The following IGF1R variants were observed in gnomAD, a reference collection of about 807,000 sequenced individuals.
IGF1R encodes insulin-like growth factor 1 receptor.
A neutral mutation model predicts 144.6 loss-of-function variants in IGF1R; 44 were observed. The ratio of observed to expected loss-of-function variants is 0.30; its 90% CI spans 0.24 to 0.39. The LOEUF is 0.39. IGF1R is among the 10% of genes least tolerant of loss of function. IGF1R has a pLI of 1.00. For missense variants in IGF1R, 1,355 were observed against 1,833.7 expected (o/e 0.74, Z 4.77); for synonymous variants, 795 against 722.8 (o/e 1.10, Z -1.60).
intron 6 of IGF1R, 42 bp from the exon 7 acceptor site, chr15:98,911,273 C>G (rs1174624378): frequency 1.2e-6 from 2 of 1,612,894 alleles, no homozygotes; most frequent in African/African-American, 2.7e-5. Context: ...TTTTCAGAGA[C>G]ACATGAATCT....
intron 1 of IGF1R, among the ~76,000 whole-genome samples, chr15:98,649,996 G>A (rs1391857891): frequency 1.3e-5 from 2 of 152,148 alleles, no homozygotes; most frequent in Non-Finnish European, 2.9e-5. Context: ...GCCGGGGCGG[G>A]CTCCGCGGTT....
chr15:98,756,132 T>G (rs1327632864), intron 2 of IGF1R, among the ~76,000 whole-genome samples: 1 of 152,166 alleles, frequency 6.6e-6, no homozygotes, highest in Non-Finnish European at 1.5e-5. Flanking sequence ...TTTAGTTTTT[T>G]TCCTTGTTTG....
chr15:98,857,419 A>C (rs543608136), intron 2 of IGF1R, among the ~76,000 whole-genome samples: 4 of 152,278 alleles, frequency 2.6e-5, no homozygotes, highest in Admixed American at 2.0e-4. Flanking sequence ...GGGTTTTGCC[A>C]TGTTGGCCGG....
At chr15:98,853,059 A>G (rs2011607459) in intron 2 of IGF1R, among the ~76,000 whole-genome samples, 1 of 152,228 alleles carries the variant, frequency 6.6e-6, no homozygotes, top group South Asian at 2.1e-4. Flanking sequence ...AGCAGAAACA[A>G]GGTGCATCTC....
At chr15:98,853,523 A>G (rs568771025) in intron 2 of IGF1R, among the ~76,000 whole-genome samples, 7 of 152,368 alleles carry the variant, frequency 4.6e-5, no homozygotes, top group Admixed American at 2.0e-4. Flanking sequence ...ATTCTAAATG[A>G]CATCCAGTCT....
At chr15:98,917,987 A>G (rs899612453) in intron 10 of IGF1R, among the ~76,000 whole-genome samples, 4 of 152,224 alleles carry the variant, frequency 2.6e-5, no homozygotes, top group African/African-American at 7.2e-5. Context: ...TAAAATGGCA[A>G]CTTTTTATCT....
chr15:98,928,879 G>A (rs557012446), intron 13 of IGF1R, among the ~76,000 whole-genome samples: 155 of 152,108 alleles, frequency 1.0e-3, no homozygotes, highest in Admixed American at 2.0e-3. Context: ...TGTCTGCAGC[G>A]GCATTGGAAA....
At chr15:98,939,814 C>G (rs1046089935) in intron 18 of IGF1R, among the ~76,000 whole-genome samples, 1 of 152,232 alleles carries the variant, frequency 6.6e-6, no homozygotes, top group Non-Finnish European at 1.5e-5. Flanking sequence ...AATGACGAAG[C>G]CTCTGCACGG....
chr15:98,656,840 A>G (rs1478443465), intron 1 of IGF1R, among the ~76,000 whole-genome samples: 1 of 152,126 alleles, frequency 6.6e-6, no homozygotes, highest in Non-Finnish European at 1.5e-5. Flanking sequence ...TTTGAAATAC[A>G]TTGTTGTTGC....
At chr15:98,852,519 C>T (rs537091727) in intron 2 of IGF1R, among the ~76,000 whole-genome samples, 4 of 152,316 alleles carry the variant, frequency 2.6e-5, no homozygotes, top group African/African-American at 9.6e-5. Context: ...AGTGGGCATC[C>T]CGCAAGGATG....
chr15:98,819,035 G>A (rs1331893020), intron 2 of IGF1R, among the ~76,000 whole-genome samples: 3 of 152,088 alleles, frequency 2.0e-5, no homozygotes, highest in Admixed American at 6.5e-5. Flanking sequence ...GAGGAGCAGT[G>A]TAGTTTGGGA....
At chr15:98,901,194 A>T (rs1469823872) in intron 5 of IGF1R, among the ~76,000 whole-genome samples, 1 of 152,230 alleles carries the variant, frequency 6.6e-6, no homozygotes, top group Non-Finnish European at 1.5e-5. Flanking sequence ...GAGGCTTTCC[A>T]GGTAAGCCCG....
At chr15:98,888,438 A>AGAGTGTGTGTGT (rs1555457179) in intron 2 of IGF1R, among the ~76,000 whole-genome samples, 1,920 of 143,446 alleles carry the variant, frequency 0.013, 63 homozygotes, top group East Asian at 0.12. Context: ...AGAGAGAGAG[A>AGAGTGTGTGTGT]GTGTGTGTGT....
intron 2 of IGF1R, among the ~76,000 whole-genome samples, chr15:98,869,025 C>A (rs2012623451): frequency 6.6e-6 from 1 of 152,174 alleles, no homozygotes; most frequent in Admixed American, 6.5e-5. Context: ...CAAAGAAATG[C>A]AGCCAGAGGC....
At chr15:98,827,842 A>G (rs1483778369) in intron 2 of IGF1R, among the ~76,000 whole-genome samples, 3 of 152,118 alleles carry the variant, frequency 2.0e-5, no homozygotes, top group African/African-American at 7.2e-5. Context: ...CGGCCTCCCA[A>G]AGTGCTGGGA....
At chr15:98,720,452 C>T (rs571908213) in intron 2 of IGF1R, among the ~76,000 whole-genome samples, 4 of 152,218 alleles carry the variant, frequency 2.6e-5, no homozygotes, top group African/African-American at 9.6e-5. Flanking sequence ...AGGACATGTT[C>T]TAGACTTGGA....
At chr15:98,892,068 A>C (rs1194417054) in intron 3 of IGF1R, among the ~76,000 whole-genome samples, 3 of 152,104 alleles carry the variant, frequency 2.0e-5, no homozygotes, top group Non-Finnish European at 4.4e-5. Flanking sequence ...CATCCTTGAG[A>C]CCAGCAAGCG....
At chr15:98,931,545 A>G (rs1016558263) in intron 15 of IGF1R, among the ~76,000 whole-genome samples, 3 of 152,180 alleles carry the variant, frequency 2.0e-5, no homozygotes, top group African/African-American at 4.8e-5. Flanking sequence ...CTTTATTTCT[A>G]TCTACATAAA....
At chr15:98,896,689 G>T (rs2014213595) in intron 3 of IGF1R, 68 bp from the exon 4 acceptor site, 1 of 1,487,200 alleles carries the variant, frequency 6.7e-7, no homozygotes, top group Non-Finnish European at 9.3e-7. Context: ...ATATCCTTAT[G>T]GTTTTTTTAA....
Sources: allele counts gnomAD v4.1 joint callset (sites outside exome capture counted in the v4.1 genomes callset), GRCh38; gene constraint gnomAD v4.1.1; transcripts MANE v1.5; gene names NCBI Gene and HGNC (gene_info 2026-07-23, HGNC 2026-07-21).